Variants in COLEC12 observed in about 807,000 individuals in gnomAD.
The protein encoded by COLEC12 is collectin-12.
A neutral mutation model predicts 71.1 loss-of-function variants in COLEC12; 33 were observed. That is an observed-to-expected ratio of 0.46 (90% confidence interval 0.35 to 0.62). The LOEUF (loss-of-function observed/expected upper bound fraction) is 0.62. Ranked by LOEUF, COLEC12 falls within the 20% of genes least tolerant of loss-of-function variation. The pLI, the probability that COLEC12 is intolerant of heterozygous loss-of-function variation, is 0.00. For missense variants in COLEC12, 765 were observed against 916.1 expected (o/e 0.84, Z 2.13); for synonymous variants, 350 against 353.0 (o/e 0.99, Z 0.10).
Position 335,090 on chromosome 18 carries a change from C to G in COLEC12, c.1468G>C (p.Ala490Pro). The G allele has an allele frequency of 6.2e-7, 1 of 1,612,258 alleles. No individual in the cohort carries two copies. The highest frequency in any genetic ancestry group is 8.5e-7 in the Non-Finnish European group (1 of 1,179,424). ...PAGERGPIGP[A>P]GPPGERGGKG... ...CCGCCACGCTCTCCGGGGGGACCAGCTGGTCCAATTGGGCCTCTCTCACCC... is the reference window on the plus strand; with the variant it reads ...CCGCCACGCTCTCCGGGGGGACCAGGTGGTCCAATTGGGCCTCTCTCACCC... The change falls in exon 6 of 10, where the codon GCT (alanine) becomes CCT (proline). Residue 490 changes from alanine (A) to proline (P), a missense_variant. Transcript: ENST00000400256.
chr18:426,158 T>C (rs1318541998), intron 2 of COLEC12, among the ~76,000 whole-genome samples: 1 of 152,244 alleles, frequency 6.6e-6, no homozygotes, highest in African/African-American at 2.4e-5. Flanking sequence ...AAATGCATCA[T>C]GGCTTCTATG....
intron 2 of COLEC12, among the ~76,000 whole-genome samples, chr18:370,304 A>G (rs1042557095): frequency 2.0e-5 from 3 of 152,252 alleles, no homozygotes; most frequent in Non-Finnish European, 4.4e-5. Context: ...TTTTTATGGT[A>G]TAATCACTTC....
Position 400,789 on chromosome 18 carries a change from C to T in COLEC12, c.59-43267G>A, listed in dbSNP as rs72861826. Among the ~76,000 whole-genome samples the T allele has an allele frequency of 5.2e-3, 796 of 152,280 alleles. 2 individuals carry two copies. Among genetic ancestry groups the T allele is most frequent in the Non-Finnish European group, 9.0e-3 (614 of 68,018 alleles). On this transcript the variant is annotated intron_variant, in intron 2 of 9. Transcript: ENST00000400256. ...GGTGTGACTGGCTGTTTTAAAGATG[C>T]GCATGTGTGCCACTATTTATTATTG... is the stretch of plus-strand genomic sequence containing the variant.
intron 1 of COLEC12, among the ~76,000 whole-genome samples, chr18:494,606 C>G (rs928522700): frequency 5.3e-5 from 8 of 152,172 alleles, no homozygotes; most frequent in African/African-American, 7.2e-5. Context: ...CACCTGGGAT[C>G]ACTAAACATA....
intron 6 of COLEC12, chr18:334,020 A>C (rs1914045771): frequency 6.6e-6 from 1 of 152,146 alleles, no homozygotes; most frequent in African/African-American, 2.4e-5. Context: ...GTCTCTACAA[A>C]AAGGAAAATA....
chr18:430,155 T>C (rs978654487), intron 2 of COLEC12, among the ~76,000 whole-genome samples: 1 of 152,078 alleles, frequency 6.6e-6, no homozygotes, highest in Non-Finnish European at 1.5e-5. Context: ...CTGGCCATCA[T>C]GGTGAAACCC....
chr18:410,023 C>A (rs1229241346), intron 2 of COLEC12, among the ~76,000 whole-genome samples: 2 of 152,216 alleles, frequency 1.3e-5, no homozygotes, highest in Non-Finnish European at 2.9e-5. Context: ...TTTCTCTGAA[C>A]TTCAGTTCTC....
intron 2 of COLEC12, among the ~76,000 whole-genome samples, chr18:469,463 C>T (rs1399080826): frequency 6.6e-6 from 1 of 152,232 alleles, no homozygotes; most frequent in African/African-American, 2.4e-5. Flanking sequence ...GTGTCCAACA[C>T]ATTATGGATA....
At chr18:479,577 C>G (rs959821611) in intron 2 of COLEC12, among the ~76,000 whole-genome samples, 1 of 152,038 alleles carries the variant, frequency 6.6e-6, no homozygotes, top group African/African-American at 2.4e-5. Flanking sequence ...CGCACACACA[C>G]ACTCACTCAC....
At position 334,826 on chromosome 18, in the gene COLEC12, C is replaced by T. The variant is rs1914072380; in HGVS notation, c.1732G>A (p.Gly578Ser). The part of the protein sequence containing the change: ...PGVPGMPGPK[G>S]PPGPPGPSGA... The stretch of plus-strand genomic sequence containing the variant: ...GATGGGCCAGGAGGGCCGGGGGGGC[C>T]CTTGGGGCCTGGCATGCCTGGTACC... The change falls in exon 6 of 10, where the codon GGC (glycine) becomes AGC (serine). Residue 578 changes from glycine to serine, a missense_variant. Gly to Ser is a moderately conservative substitution (Grantham distance 56, BLOSUM62 0). Coordinates refer to ENST00000400256, the MANE Select transcript of COLEC12 (RefSeq NM_130386.3). 1.3e-6 allele frequency: 2 copies of T among 1,521,798 alleles called. No individual in the cohort carries two copies. The highest frequency in any genetic ancestry group is 1.8e-6 in the Non-Finnish European group (2 of 1,142,750). 94.3% of individuals were successfully genotyped at this position (1,521,798 alleles called of 1,614,324 possible). A position where few individuals can be genotyped will look rare whatever the true frequency, so the allele number is the denominator to read the frequency against.
At chr18:382,651 C>A (rs765043685) in intron 2 of COLEC12, among the ~76,000 whole-genome samples, 4 of 152,108 alleles carry the variant, frequency 2.6e-5, no homozygotes, top group African/African-American at 4.8e-5. Context: ...GTATGGGCAT[C>A]ATTACAGCCA....
At chr18:341,702 C>T (rs1914256295) in intron 5 of COLEC12, among the ~76,000 whole-genome samples, 1 of 152,230 alleles carries the variant, frequency 6.6e-6, no homozygotes, top group Non-Finnish European at 1.5e-5. Context: ...CCACTCTAGA[C>T]ACTGCATTAA....
chr18:434,453 G>A (rs1474491486), intron 2 of COLEC12, among the ~76,000 whole-genome samples: 2 of 152,170 alleles, frequency 1.3e-5, no homozygotes, highest in Non-Finnish European at 2.9e-5. Context: ...CTAATGTTTT[G>A]CTTCCATATG....
rs542332643 is a variant in COLEC12, at chr18:496,227, G to A, written c.7+4281C>T. On this transcript the variant is annotated intron_variant, in intron 1 of 9. Coordinates refer to ENST00000400256, the MANE Select transcript of COLEC12 (RefSeq NM_130386.3). ...ATGACATAGCCTGAAAGCCATCATC[G>A]GCTAGCTTTTTCTATTCACCCCATT... 1.1e-4 allele frequency among the ~76,000 whole-genome samples: 17 copies of A among 152,066 alleles called. No homozygotes were observed. In the South Asian group the frequency reaches 1.3e-3, roughly 11 times the overall value.
intron 2 of COLEC12, among the ~76,000 whole-genome samples, chr18:419,894 C>T (rs955338410): frequency 6.6e-6 from 1 of 152,162 alleles, no homozygotes; most frequent in Non-Finnish European, 1.5e-5. Context: ...CCAAGCTAAG[C>T]CTTAAGAGAC....
chr18:342,690 T>G (rs767238340), intron 5 of COLEC12, among the ~76,000 whole-genome samples: 1 of 152,200 alleles, frequency 6.6e-6, no homozygotes, highest in Non-Finnish European at 1.5e-5. Context: ...CTCGTTCCCT[T>G]AGAATACCTG....
At chr18:461,322 A>G (rs1376972059) in intron 2 of COLEC12, among the ~76,000 whole-genome samples, 1 of 152,190 alleles carries the variant, frequency 6.6e-6, no homozygotes, top group Non-Finnish European at 1.5e-5. Context: ...ACCAAACACT[A>G]TTATCTCAAC....
chr18:406,515 C>CAAAAAAAAAAAAAAAA (rs34263909), intron 2 of COLEC12, among the ~76,000 whole-genome samples: 34 of 90,456 alleles, frequency 3.8e-4, no homozygotes, highest in African/African-American at 1.6e-3. Context: ...GACTCCGTCT[C>CAAAAAAAAAAAAAAAA]AAAAAAAAAA....
chr18:465,306 T>A lies in COLEC12; in HGVS notation c.58+15401A>T, dbSNP rs970711772. On this transcript the variant is annotated intron_variant, in intron 2 of 9. Coordinates refer to ENST00000400256, the MANE Select transcript of COLEC12 (RefSeq NM_130386.3). ...TTAGTAGAGACAGGGTTTCACAATGTTGGCCAGGCTGGTCTCAGACTCCTG... is the reference window on the plus strand; with the variant it reads ...TTAGTAGAGACAGGGTTTCACAATGATGGCCAGGCTGGTCTCAGACTCCTG... Among the ~76,000 whole-genome samples the A allele has an allele frequency of 2.0e-5, 3 of 152,172 alleles. No individual in the cohort carries two copies. In the East Asian group the frequency reaches 5.8e-4, roughly 29 times the overall value.
Sources: gnomAD v4.1 joint callset for allele counts (sites outside exome capture counted in the v4.1 genomes callset) on GRCh38, gnomAD v4.1.1 for gene constraint, MANE v1.5 for transcripts, NCBI Gene and HGNC (gene_info 2026-07-23, HGNC 2026-07-21) for gene names.